LRRC4C: variants seen among roughly 807,000 people sequenced by gnomAD.
LRRC4C encodes the protein leucine-rich repeat-containing protein 4C.
A neutral mutation model predicts 33.6 loss-of-function variants in LRRC4C; 5 were observed. The observed-to-expected ratio is 0.15, with a 90% CI of 0.08 to 0.31. The LOEUF is 0.31. LRRC4C is among the 10% of genes least tolerant of loss of function. The pLI is 1.00. For missense variants in LRRC4C, 560 were observed against 796.7 expected (o/e 0.70, Z 3.58); for synonymous variants, 329 against 302.0 (o/e 1.09, Z -0.93).
At chr11:41,348,469 A>G (rs1951869488) in intron 1 of LRRC4C, among the ~76,000 whole-genome samples, 1 of 152,128 alleles carries the variant, frequency 6.6e-6, no homozygotes, top group East Asian at 1.9e-4. Flanking sequence ...AACTAATTCC[A>G]TGTAGGAAAA....
At chr11:40,430,648 T>C (rs754286664) in intron 3 of LRRC4C, among the ~76,000 whole-genome samples, 2 of 152,068 alleles carry the variant, frequency 1.3e-5, no homozygotes. Context: ...TCTTTATACC[T>C]TTCTTCTACA....
intron 3 of LRRC4C, among the ~76,000 whole-genome samples, chr11:40,509,472 A>G (rs1442986386): frequency 1.3e-5 from 2 of 152,014 alleles, no homozygotes. Flanking sequence ...ATTTTACTGT[A>G]TGCTGGTTTT....
chr11:40,916,971 TC>T (rs752864998), intron 2 of LRRC4C, among the ~76,000 whole-genome samples: 2 of 152,156 alleles, frequency 1.3e-5, no homozygotes, highest in Non-Finnish European at 2.9e-5. Flanking sequence ...TACAGTATTT[TC>T]TAATATTTTC....
At chr11:40,782,873 T>C (rs1950268919) in intron 2 of LRRC4C, among the ~76,000 whole-genome samples, 2 of 151,892 alleles carry the variant, frequency 1.3e-5, no homozygotes, top group Non-Finnish European at 2.9e-5. Context: ...TGTGTATACA[T>C]CTACATACAC....
chr11:41,401,564 G>A (rs1488238806), intron 1 of LRRC4C, among the ~76,000 whole-genome samples: 1 of 151,832 alleles, frequency 6.6e-6, no homozygotes, highest in Non-Finnish European at 1.5e-5. Context: ...GCCAGTCATG[G>A]GGCGGACAAA....
chr11:41,134,437 A>C (rs1222670900), intron 1 of LRRC4C, among the ~76,000 whole-genome samples: 3 of 152,148 alleles, frequency 2.0e-5, no homozygotes, highest in Non-Finnish European at 2.9e-5. Flanking sequence ...AAACTTCTTT[A>C]AAATATAACC....
rs1248193923 is a variant in LRRC4C at position 41,110,435 on chromosome 11, G to C, written c.-495-176712C>G. 2.6e-5 allele frequency among the ~76,000 whole-genome samples: 4 copies of C among 151,818 alleles called. No homozygotes were observed. In the East Asian group the frequency reaches 7.7e-4, roughly 29 times the overall value. ...CCCATCTTAAAAATGAGTAAACTAA[G>C]ACAAAGAGAATGTAAATAACTTATT... On this transcript the variant is annotated intron_variant, in intron 1 of 6. Coordinates refer to ENST00000528697, the MANE Select transcript of LRRC4C (RefSeq NM_001258419.2).
intron 2 of LRRC4C, among the ~76,000 whole-genome samples, chr11:40,817,211 A>G (rs1272328404): frequency 1.3e-5 from 2 of 152,132 alleles, no homozygotes; most frequent in Non-Finnish European, 2.9e-5. Flanking sequence ...TATCTAACTG[A>G]AAAGAAATAC....
At chr11:40,981,339 G>T (rs1453716381) in intron 1 of LRRC4C, among the ~76,000 whole-genome samples, 1 of 152,018 alleles carries the variant, frequency 6.6e-6, no homozygotes, top group Non-Finnish European at 1.5e-5. Context: ...GCTTGAGCCC[G>T]GGAGGCGGAG....
intron 5 of LRRC4C, among the ~76,000 whole-genome samples, chr11:40,220,602 G>C (rs1246446778): frequency 1.3e-5 from 2 of 151,954 alleles, no homozygotes; most frequent in East Asian, 3.9e-4. Context: ...CCATCTTGTT[G>C]GCAAAAGCAA....
At chr11:40,401,530 C>T (rs1034740952) in intron 3 of LRRC4C, among the ~76,000 whole-genome samples, 49 of 152,232 alleles carry the variant, frequency 3.2e-4, no homozygotes, top group African/African-American at 1.2e-3. Flanking sequence ...CCAGTGGGTG[C>T]ATCATATGTC....
intron 2 of LRRC4C, among the ~76,000 whole-genome samples, chr11:40,821,682 G>A (rs2135469498): frequency 6.6e-6 from 1 of 151,464 alleles, no homozygotes. Flanking sequence ...AAAAACACCA[G>A]CATTTTCAAA....
At chr11:41,409,221 C>T (rs1195296028) in intron 1 of LRRC4C, among the ~76,000 whole-genome samples, 2 of 152,182 alleles carry the variant, frequency 1.3e-5, no homozygotes, top group African/African-American at 2.4e-5. Flanking sequence ...TAGATCATTA[C>T]ATTTTTTCTC....
intron 2 of LRRC4C, among the ~76,000 whole-genome samples, chr11:40,885,760 T>C (rs559025170): frequency 6.6e-6 from 1 of 152,272 alleles, no homozygotes; most frequent in South Asian, 2.1e-4. Context: ...TCAGAGTACT[T>C]ATCATTCAAC....
At chr11:41,106,009 C>CT (rs1221025252) in intron 1 of LRRC4C, among the ~76,000 whole-genome samples, 17 of 151,934 alleles carry the variant, frequency 1.1e-4, no homozygotes, top group Admixed American at 1.3e-4. Context: ...TCATTTCATC[C>CT]TTTTTTTCTT....
intron 3 of LRRC4C, among the ~76,000 whole-genome samples, chr11:40,408,706 C>T (rs376330014): frequency 6.6e-6 from 1 of 151,742 alleles, no homozygotes; most frequent in Non-Finnish European, 1.5e-5. Flanking sequence ...TATTTTGTGA[C>T]ACATGATAAT....
At chr11:40,852,957 T>C (rs1002068108) in intron 2 of LRRC4C, among the ~76,000 whole-genome samples, 1 of 152,230 alleles carries the variant, frequency 6.6e-6, no homozygotes, top group Non-Finnish European at 1.5e-5. Flanking sequence ...GAATAAGAGC[T>C]GATATGATCT....
intron 4 of LRRC4C, among the ~76,000 whole-genome samples, chr11:40,253,928 TAA>T (rs906663872): frequency 2.0e-5 from 3 of 152,224 alleles, no homozygotes; most frequent in African/African-American, 7.2e-5. Context: ...TCACATTATA[TAA>T]GTTTTTATAG....
intron 1 of LRRC4C, among the ~76,000 whole-genome samples, chr11:41,043,306 C>T (rs559363219): frequency 1.1e-4 from 16 of 152,122 alleles, no homozygotes; most frequent in Admixed American, 2.0e-4. Context: ...ACCATCAACA[C>T]GCTTAGAAAG....
Sources: allele counts gnomAD v4.1 joint callset (sites outside exome capture counted in the v4.1 genomes callset), GRCh38; gene constraint gnomAD v4.1.1; transcripts MANE v1.5; gene names NCBI Gene and HGNC (gene_info 2026-07-23, HGNC 2026-07-21).